Variants in TRMT44 observed in about 807,000 individuals in gnomAD.
TRMT44 encodes the protein probable tRNA (uracil-O(2)-)-methyltransferase.
A neutral mutation model predicts 77.3 loss-of-function variants in TRMT44; 78 were observed. The observed-to-expected ratio is 1.01, with a 90% CI of 0.84 to 1.22. TRMT44 has a LOEUF of 1.22. TRMT44 is among the 50% of genes most tolerant of loss of function. TRMT44 has a pLI of 0.00. For synonymous variants in TRMT44, 391 were observed against 383.3 expected, an observed-to-expected ratio of 1.02 and a Z score of -0.23; for missense variants, 1,090 against 964.4, an observed-to-expected ratio of 1.13 and a Z score of -1.73.
intron 2 of TRMT44, among the ~76,000 whole-genome samples, chr4:8,449,046 C>T (rs934872107): frequency 1.3e-5 from 2 of 152,238 alleles, no homozygotes; most frequent in Non-Finnish European, 2.9e-5. Flanking sequence ...ATCTGTCCCG[C>T]CAGTCCTCCC....
the TRMT44 span, chr4:8,507,432 C>T: frequency 6.5e-6 from 1 of 152,816 alleles, no homozygotes; most frequent in African/African-American, 2.4e-5. Flanking sequence ...GGAGGGAAGG[C>T]TGCGTGCGGG....
downstream of TRMT44, among the ~76,000 whole-genome samples, chr4:8,494,672 C>A (rs1431673085): frequency 6.6e-6 from 1 of 152,200 alleles, no homozygotes; most frequent in Admixed American, 6.5e-5. Context: ...ACCTTGAGTG[C>A]ATGTCATCAG....
chr4:8,508,939 C>G, the TRMT44 span: 1 of 152,466 alleles, frequency 6.6e-6, no homozygotes, highest in East Asian at 1.9e-4. Context: ...AGCCCAGCCT[C>G]ATGCACCATC....
chr4:8,502,298 T>C, the TRMT44 span, among the ~76,000 whole-genome samples: 3 of 152,172 alleles, frequency 2.0e-5, no homozygotes, highest in African/African-American at 4.8e-5. Context: ...TTCCTGTTGG[T>C]GTTTGTTGAC....
intron 6 of TRMT44, 189 bp downstream of exon 6, chr4:8,455,002 G>T (rs1725711164): frequency 1.6e-6 from 1 of 621,574 alleles, no homozygotes; most frequent in Non-Finnish European, 2.8e-6. Context: ...AGAACCTTCT[G>T]GTTAAACTGA....
chr4:8,464,470 C>A (rs1008918161), intron 7 of TRMT44, among the ~76,000 whole-genome samples: 2 of 152,182 alleles, frequency 1.3e-5, no homozygotes, highest in African/African-American at 4.8e-5. Flanking sequence ...GGGAAATCTA[C>A]CCATCGATAG....
In TRMT44 at chr4:8,458,002, A is replaced by G. The variant is rs961352705; in HGVS notation, c.1203+3189A>G. On this transcript the variant is annotated intron_variant, in intron 6 of 10. Transcript: ENST00000389737. Reference sequence around the variant, plus strand: ...AACTACAGACGACCTGATGGAGATGAGTGCTGCCAACCCAGCGCCAGATGA... The same window carrying G: ...AACTACAGACGACCTGATGGAGATGGGTGCTGCCAACCCAGCGCCAGATGA... Among the ~76,000 whole-genome samples, 5 of 152,362 alleles carry G rather than the reference A, an allele frequency of 3.3e-5. 1 individual carries two copies. The South Asian group carries it at 1.0e-3, about 32-fold the overall frequency.
intron 2 of TRMT44, among the ~76,000 whole-genome samples, chr4:8,492,769 A>G (rs781170507): frequency 6.6e-6 from 1 of 152,130 alleles, no homozygotes; most frequent in Non-Finnish European, 1.5e-5. Context: ...GCCAATCAGA[A>G]ACTCAAAAGA....
chr4:8,504,395 G>A, the TRMT44 span, among the ~76,000 whole-genome samples: 4 of 152,180 alleles, frequency 2.6e-5, no homozygotes, highest in East Asian at 5.8e-4. The surrounding 1 kb of genome is among the most constrained non-coding windows in gnomAD (Gnocchi z 5.3). Flanking sequence ...CCGGGCCTGC[G>A]CTGCTGCCCT....
At chr4:8,478,732 TGA>T (rs1053658860), downstream of TRMT44, 12 of 152,248 alleles carry the variant, frequency 7.9e-5, no homozygotes, top group Non-Finnish European at 1.3e-4. Flanking sequence ...AAGGTGGGCA[TGA>T]GGGGGAATCT....
the TRMT44 span, among the ~76,000 whole-genome samples, chr4:8,504,917 C>A: frequency 2.0e-5 from 3 of 152,158 alleles, no homozygotes; most frequent in Non-Finnish European, 4.4e-5. The surrounding 1 kb of genome is among the most constrained non-coding windows in gnomAD (Gnocchi z 5.3). Flanking sequence ...CTGTATCTAC[C>A]ACTTCCCCCA....
At chr4:8,497,230 A>G (rs1352448386), downstream of TRMT44, among the ~76,000 whole-genome samples, 6 of 151,676 alleles carry the variant, frequency 4.0e-5, no homozygotes, top group Non-Finnish European at 5.9e-5. Flanking sequence ...AAGCATGATT[A>G]TGTTTTACAA....
In TRMT44 at chr4:8,465,535, T is replaced by C. The variant is rs113553358; in HGVS notation, c.1468T>C (p.Cys490Arg). 2.2e-5 allele frequency: 36 copies of C among 1,613,204 alleles called. 1 individual carries two copies. Among genetic ancestry groups the C allele is most frequent in the African/African-American group, 1.7e-4 (13 of 74,980 alleles). ...FTCGFHVDED[C>R]LRIPSTKRVC... ...CTGTGGGTTTCACGTGGACGAAGAC[T>C]GCCTCAGGATTCCTTCAACCAAAAG... is the stretch of plus-strand genomic sequence containing the variant. The change falls in exon 8 of 11, where the codon TGC becomes CGC. Residue 490 changes from cysteine to arginine, a missense_variant. Transcript: ENST00000389737.
rs1409687093 is a variant in TRMT44 at position 8,483,737 on chromosome 4, C to G, written n.3891+4204C>G. ...GCTGATTTGACCAATAAAGGCTGGT[C>G]TGCTATTGGACTGTATAGAGGTGGG... On this transcript the variant is annotated intron_variant and non_coding_transcript_variant, in intron 2 of 2. Transcript: ENST00000511366. Among the ~76,000 whole-genome samples, 14 of 152,274 alleles carry G rather than the reference C, an allele frequency of 9.2e-5. No homozygotes were observed. In the East Asian group the frequency reaches 2.5e-3, roughly 27 times the overall value.
chr4:8,501,554 A>G, the TRMT44 span, among the ~76,000 whole-genome samples: 19,573 of 152,198 alleles, frequency 0.13, 1,271 homozygotes, highest in Middle Eastern at 0.15. This position sits in a 1 kb window ranked among gnomAD's most constrained non-coding sequence, Gnocchi z 4.4. Flanking sequence ...TTTAGCGGGC[A>G]CTTGGCCACT....
intron 3 of TRMT44, among the ~76,000 whole-genome samples, chr4:8,450,794 T>TG (rs1725396591): frequency 7.1e-6 from 1 of 140,074 alleles, no homozygotes; most frequent in African/African-American, 2.7e-5. Flanking sequence ...ATTTCCATGT[T>TG]TTTTTTTTTT....
chr4:8,451,893 C>T lies in TRMT44; in HGVS notation c.955-67C>T. On this transcript the variant is annotated intron_variant, in intron 3 of 10. Transcript: ENST00000389737. This position sits in a 1 kb window ranked among gnomAD's most constrained non-coding sequence, Gnocchi z 4.1. ...GTTTGATTTATGCTTTATAGGGATA[C>T]TTAAAGTATTGGGAAATGGTGGTGG... The T allele has an allele frequency of 1.4e-6, 2 of 1,381,728 alleles. No individual in the cohort carries two copies. Among genetic ancestry groups the T allele is most frequent in the Non-Finnish European group, 2.0e-6 (2 of 1,006,302 alleles). 85.6% of individuals were successfully genotyped at this position (1,381,728 alleles called of 1,614,324 possible). A position where few individuals can be genotyped will look rare whatever the true frequency, so the allele number is the denominator to read the frequency against.
At chr4:8,460,670 C>G (rs1726094707) in intron 6 of TRMT44, among the ~76,000 whole-genome samples, 1 of 151,806 alleles carries the variant, frequency 6.6e-6, no homozygotes, top group Non-Finnish European at 1.5e-5. Flanking sequence ...TCTTGTGCCT[C>G]AACCTCCCGG....
chr4:8,456,034 TAAG>T (rs1725789155), intron 6 of TRMT44, among the ~76,000 whole-genome samples: 2 of 152,250 alleles, frequency 1.3e-5, no homozygotes, highest in South Asian at 4.1e-4. Flanking sequence ...AAATCTATTA[TAAG>T]AAGTTAAAAT....
Sources: gnomAD v4.1 joint callset for allele counts (sites outside exome capture counted in the v4.1 genomes callset) on GRCh38, gnomAD v4.1.1 for gene constraint, Gnocchi (gnomAD v3.1) non-coding constraint, MANE v1.5 for transcripts, NCBI Gene and HGNC (gene_info 2026-07-23, HGNC 2026-07-21) for gene names.